CRTC3: variants seen among roughly 807,000 people sequenced by gnomAD.
CRTC3 encodes CREB-regulated transcription coactivator 3.
Under a neutral mutation model 74.5 loss-of-function variants are expected in CRTC3, and 26 were observed. The observed-to-expected ratio is 0.35, with a 90% CI of 0.26 to 0.48. The LOEUF is 0.48. CRTC3 is among the 20% of genes least tolerant of loss of function. The pLI, the probability that CRTC3 is intolerant of heterozygous loss-of-function variation, is 0.99. For synonymous variants in CRTC3, 377 were observed against 325.8 expected (o/e 1.16, Z -1.69); for missense variants, 760 against 787.3 (o/e 0.97, Z 0.41).
intron 1 of CRTC3, among the ~76,000 whole-genome samples, chr15:90,531,816 T>C (rs1416540462): frequency 6.6e-6 from 1 of 152,218 alleles, no homozygotes; most frequent in Non-Finnish European, 1.5e-5. Context: ...TATATGTCTG[T>C]ATACCTATGG....
intron 2 of CRTC3, among the ~76,000 whole-genome samples, chr15:90,545,175 T>C (rs1332059234): frequency 2.0e-5 from 3 of 152,170 alleles, no homozygotes; most frequent in Non-Finnish European, 4.4e-5. Flanking sequence ...TGTGACATGA[T>C]TTCCTTCCTT....
intron 2 of CRTC3, among the ~76,000 whole-genome samples, chr15:90,588,220 A>G (rs1596104467): frequency 1.3e-5 from 2 of 151,460 alleles, no homozygotes; most frequent in South Asian, 2.1e-4. Flanking sequence ...AGATCACGCC[A>G]CTGCACTGCA....
chr15:90,615,653 A>G (rs1968473454), intron 7 of CRTC3, among the ~76,000 whole-genome samples: 1 of 152,184 alleles, frequency 6.6e-6, no homozygotes, highest in Admixed American at 6.5e-5. Context: ...CAAATCTTGG[A>G]TATGAAAAGG....
chr15:90,602,653 AAACAACAACAACAAC>A (rs145435527), intron 4 of CRTC3, among the ~76,000 whole-genome samples: 1 of 150,260 alleles, frequency 6.7e-6, no homozygotes, highest in Non-Finnish European at 1.5e-5. Context: ...CAAACAAACA[AAACAACAACAACAAC>A]AACAACAACA....
At chr15:90,625,292 C>T (rs938781432) in intron 9 of CRTC3, among the ~76,000 whole-genome samples, 2 of 152,168 alleles carry the variant, frequency 1.3e-5, no homozygotes, top group African/African-American at 4.8e-5. Flanking sequence ...GTGCCTAGCC[C>T]ATAGATTGTG....
intron 11 of CRTC3, among the ~76,000 whole-genome samples, chr15:90,633,569 C>A (rs763584221): frequency 3.3e-4 from 50 of 152,298 alleles, no homozygotes; most frequent in Middle Eastern, 3.4e-3. Flanking sequence ...CCCCAGTGTT[C>A]TGAAACTTCA....
At chr15:90,562,194 A>G (rs1347111214) in intron 2 of CRTC3, among the ~76,000 whole-genome samples, 1 of 152,190 alleles carries the variant, frequency 6.6e-6, no homozygotes, top group African/African-American at 2.4e-5. Flanking sequence ...CTTGAGTGCA[A>G]GGGAAAACAC....
At chr15:90,541,149 T>C (rs890334283) in intron 2 of CRTC3, among the ~76,000 whole-genome samples, 1 of 152,252 alleles carries the variant, frequency 6.6e-6, no homozygotes, top group Non-Finnish European at 1.5e-5. Context: ...AAGACCTGAA[T>C]TAGACCTGCT....
chr15:90,573,511 C>G (rs1264135505), intron 2 of CRTC3, among the ~76,000 whole-genome samples: 29 of 151,420 alleles, frequency 1.9e-4, no homozygotes. Context: ...GCTATTATTA[C>G]TTTGGAATTT....
intron 8 of CRTC3, among the ~76,000 whole-genome samples, 174 bp from the exon 9 acceptor site, chr15:90,619,567 T>A (rs988676351): frequency 3.3e-5 from 5 of 152,350 alleles, no homozygotes; most frequent in Admixed American, 3.3e-4. Flanking sequence ...GGCCTGGAAG[T>A]TTGAGTTTAA....
At chr15:90,590,336 C>T (rs1192920988) in intron 2 of CRTC3, among the ~76,000 whole-genome samples, 1 of 151,934 alleles carries the variant, frequency 6.6e-6, no homozygotes, top group Non-Finnish European at 1.5e-5. Flanking sequence ...ACTGTATGTA[C>T]TCTGCAGATA....
intron 2 of CRTC3, among the ~76,000 whole-genome samples, chr15:90,590,635 C>T (rs917977978): frequency 1.3e-5 from 2 of 152,130 alleles, no homozygotes; most frequent in Non-Finnish European, 2.9e-5. Context: ...GCTGGGATTA[C>T]AGGTCTGAGC....
rs761995023 is a variant in CRTC3 at position 90,626,042 on chromosome 15, T to C, written c.967+49T>C. Reference sequence around the variant, plus strand: ...GACCTGGTGGCTTAATCATAGGTGGTCCCCACCCATGTGGCCTGTTCAGTG... The same window carrying C: ...GACCTGGTGGCTTAATCATAGGTGGCCCCCACCCATGTGGCCTGTTCAGTG... On this transcript the variant is annotated intron_variant, in intron 10 of 14. Transcript: ENST00000268184. 4.3e-6 allele frequency: 6 copies of C among 1,406,074 alleles called. No homozygotes were observed. The East Asian group carries it at 1.4e-4, about 32-fold the overall frequency. 87.1% of individuals were successfully genotyped at this position (1,406,074 alleles called of 1,614,324 possible).
intron 2 of CRTC3, among the ~76,000 whole-genome samples, chr15:90,580,438 T>C (rs937037474): frequency 7.3e-5 from 11 of 151,704 alleles, no homozygotes; most frequent in Non-Finnish European, 1.5e-4. Context: ...TTTTTTTTTT[T>C]TTCCTGAGAC....
At position 90,642,067 on chromosome 15, in the gene CRTC3, A is replaced by T; in HGVS notation, c.1787A>T (p.Asn596Ile). ...GAACCCCTGAGCCTGGACGGACTCA[A>T]CATGTTAAGTGACTCCAGCATGGGC... is the stretch of plus-strand genomic sequence containing the variant. ...QIEPLSLDGL[N>I]MLSDSSMGLL... The change falls in exon 15 of 15, where the codon AAC becomes ATC. Residue 596 changes from asparagine to isoleucine, a missense_variant. Coordinates refer to ENST00000268184, the MANE Select transcript of CRTC3 (RefSeq NM_022769.5). 1 of 1,614,042 alleles carries T rather than the reference A, an allele frequency of 6.2e-7. No homozygotes were observed. The highest frequency in any genetic ancestry group is 8.5e-7 in the Non-Finnish European group (1 of 1,180,022).
At chr15:90,534,509 G>A (rs1008905226) in intron 1 of CRTC3, among the ~76,000 whole-genome samples, 8 of 152,176 alleles carry the variant, frequency 5.3e-5, no homozygotes, top group Non-Finnish European at 1.0e-4. Context: ...GGTGGCTTAA[G>A]TTCTGTATTT....
intron 2 of CRTC3, among the ~76,000 whole-genome samples, chr15:90,548,624 G>A (rs1387546386): frequency 1.3e-5 from 2 of 152,100 alleles, no homozygotes. Flanking sequence ...TTAAACAAAA[G>A]AAAACCTAAG....
At chr15:90,576,756 C>G (rs1364467438) in intron 2 of CRTC3, among the ~76,000 whole-genome samples, 1 of 152,172 alleles carries the variant, frequency 6.6e-6, no homozygotes, top group Non-Finnish European at 1.5e-5. Flanking sequence ...TCCAAGAGGT[C>G]AGGAGCTGAA....
At chr15:90,566,737 G>A (rs1967131380) in intron 2 of CRTC3, among the ~76,000 whole-genome samples, 1 of 143,740 alleles carries the variant, frequency 7.0e-6, no homozygotes, top group Non-Finnish European at 1.5e-5. Flanking sequence ...TTGAGACAGA[G>A]TCTTGCTCTG....
Sources: allele counts gnomAD v4.1 joint callset (sites outside exome capture counted in the v4.1 genomes callset), GRCh38; gene constraint gnomAD v4.1.1; transcripts MANE v1.5; gene names NCBI Gene and HGNC (gene_info 2026-07-23, HGNC 2026-07-21).